RAB22A: variants seen among roughly 807,000 people sequenced by gnomAD.
RAB22A encodes the protein ras-related protein Rab-22A.
In RAB22A, 13 loss-of-function variants were observed where a neutral mutation model predicts 30.2. The observed-to-expected ratio is 0.43, with a 90% CI of 0.28 to 0.68. The LOEUF (loss-of-function observed/expected upper bound fraction) is 0.68. Ranked by LOEUF, RAB22A falls within the 30% of genes least tolerant of loss-of-function variation. The probability of loss-of-function intolerance (pLI) is 0.18; values close to 1 mark genes in which losing one functional copy is unlikely to be tolerated. For synonymous variants in RAB22A, 89 were observed against 87.2 expected (o/e 1.02, Z -0.11); for missense variants, 177 against 246.8 (o/e 0.72, Z 1.89).
chr20:58,351,143 C>T (rs1987041582), intron 3 of RAB22A, among the ~76,000 whole-genome samples: 1 of 151,992 alleles, frequency 6.6e-6, no homozygotes, highest in Non-Finnish European at 1.5e-5. Flanking sequence ...TCAAGATCAG[C>T]CTGTCCAACA....
intron 2 of RAB22A, among the ~76,000 whole-genome samples, chr20:58,321,483 C>T (rs1248123697): frequency 6.6e-6 from 1 of 152,190 alleles, no homozygotes; most frequent in Admixed American, 6.5e-5. Context: ...TCCATGTGCA[C>T]TAGTAAAGAA....
intron 2 of RAB22A, among the ~76,000 whole-genome samples, chr20:58,336,450 C>A (rs758402240): frequency 6.6e-6 from 1 of 152,132 alleles, no homozygotes; most frequent in Non-Finnish European, 1.5e-5. Flanking sequence ...CTACTTCTGT[C>A]CTGGAGGATC....
chr20:58,333,896 G>A (rs1210391503), intron 2 of RAB22A, among the ~76,000 whole-genome samples: 1 of 152,116 alleles, frequency 6.6e-6, no homozygotes, highest in Non-Finnish European at 1.5e-5. Flanking sequence ...GTCTCTACAA[G>A]AGAATGAAAA....
intron 2 of RAB22A, among the ~76,000 whole-genome samples, chr20:58,339,801 A>G (rs558182895): frequency 1.3e-4 from 20 of 152,246 alleles, no homozygotes; most frequent in African/African-American, 4.8e-4. Flanking sequence ...TAAATTGTGT[A>G]GTTAAACTAA....
At chr20:58,348,937 A>G (rs917520733) in intron 3 of RAB22A, among the ~76,000 whole-genome samples, 1 of 152,214 alleles carries the variant, frequency 6.6e-6, no homozygotes, top group African/African-American at 2.4e-5. Context: ...CTACAATAGT[A>G]GAGTTGAGTA....
chr20:58,364,379 G>A lies in RAB22A; in HGVS notation c.*4676G>A, dbSNP rs145204028. 3 of 152,150 alleles carry A rather than the reference G, an allele frequency of 2.0e-5. No individual in the cohort carries two copies. The highest frequency in any genetic ancestry group is 7.2e-5 in the African/African-American group (3 of 41,500). The allele number at this position is 152,150 out of a possible 1,614,324, so 9.4% of individuals were successfully genotyped here. A position where few individuals can be genotyped will look rare whatever the true frequency, so the allele number is the denominator to read the frequency against. On this transcript the variant is annotated 3_prime_UTR_variant, in exon 7 of 7. Transcript: ENST00000244040. ...AATATCTGTTTTCTTTCCTTTTAGA[G>A]TATAATCAATTATGGATAGGCCAGA...
At chr20:58,352,646 C>T (rs1482151761) in intron 3 of RAB22A, among the ~76,000 whole-genome samples, 3 of 152,118 alleles carry the variant, frequency 2.0e-5, no homozygotes, top group East Asian at 1.9e-4. Context: ...TGTGTGTCAC[C>T]GGTTGTGGAG....
intron 2 of RAB22A, among the ~76,000 whole-genome samples, chr20:58,314,162 C>T (rs571241736): frequency 6.6e-6 from 1 of 152,044 alleles, no homozygotes; most frequent in South Asian, 2.1e-4. Context: ...GATTCTCCTG[C>T]CTCAGCCTCC....
intron 2 of RAB22A, among the ~76,000 whole-genome samples, chr20:58,324,240 C>T (rs1363068846): frequency 6.6e-6 from 1 of 151,662 alleles, no homozygotes. Flanking sequence ...CAGTTTCTTT[C>T]ACAGTTGTAA....
intron 2 of RAB22A, among the ~76,000 whole-genome samples, chr20:58,320,102 C>T: frequency 6.6e-6 from 1 of 152,130 alleles, no homozygotes; most frequent in East Asian, 1.9e-4. Flanking sequence ...GGTGTCAGGA[C>T]CTCATCAAAT....
intron 3 of RAB22A, among the ~76,000 whole-genome samples, chr20:58,350,224 C>T (rs555343175): frequency 6.6e-6 from 1 of 152,248 alleles, no homozygotes; most frequent in Non-Finnish European, 1.5e-5. Flanking sequence ...ATGAAAAACT[C>T]ACTGGAGGGT....
At chr20:58,357,700 A>T (rs1327422379) in intron 6 of RAB22A, among the ~76,000 whole-genome samples, 1 of 152,206 alleles carries the variant, frequency 6.6e-6, no homozygotes, top group Non-Finnish European at 1.5e-5. Flanking sequence ...AAGCTTTTAA[A>T]CAGATTTGTA....
At chr20:58,310,496 T>C (rs752706563) in intron 1 of RAB22A, among the ~76,000 whole-genome samples, 8 of 152,166 alleles carry the variant, frequency 5.3e-5, no homozygotes, top group Non-Finnish European at 1.0e-4. Flanking sequence ...AAGTAACTCT[T>C]CCTGTGGAGA....
rs1265100843 is a variant in RAB22A, at chr20:58,354,177, A to G, written c.399A>G (p.Ala133=). The change falls in exon 6 of 7, where the codon GCA becomes GCG. Residue 133 remains alanine, a synonymous_variant. Coordinates refer to ENST00000244040, the MANE Select transcript of RAB22A (RefSeq NM_020673.3). Reference sequence around the variant, plus strand: ...CCAGAGAAGTCATGGAGAGAGATGCAAAGGACTACGCCGACTCTATTCATG... The same window carrying G: ...CCAGAGAAGTCATGGAGAGAGATGCGAAGGACTACGCCGACTCTATTCATG... ...IDVREVMERD[A]KDYADSIHAI... The G allele has an allele frequency of 1.9e-6, 3 of 1,613,212 alleles. No homozygotes were observed. Among genetic ancestry groups the G allele is most frequent in the East Asian group, 2.2e-5 (1 of 44,876 alleles).
chr20:58,326,288 C>T (rs760462364), intron 2 of RAB22A, among the ~76,000 whole-genome samples: 5 of 152,100 alleles, frequency 3.3e-5, no homozygotes, highest in Non-Finnish European at 7.4e-5. Flanking sequence ...TCAGAAAGTT[C>T]CCTCTGTGAA....
At position 58,309,902 on chromosome 20, in the gene RAB22A, G is replaced by T; in HGVS notation, c.-75G>T. The T allele has an allele frequency of 8.1e-7, 1 of 1,228,292 alleles. No individual in the cohort carries two copies. Among genetic ancestry groups the T allele is most frequent in the Middle Eastern group, 2.5e-4 (1 of 4,024 alleles). The allele number at this position is 1,228,292 out of a possible 1,614,324, so 76.1% of individuals were successfully genotyped here. ...CCGTGCGGCGGCAGCGGCGCCAGGGGATGCTCTTGCTGGGCCTGGCCTCTC... is the reference window on the plus strand; with the variant it reads ...CCGTGCGGCGGCAGCGGCGCCAGGGTATGCTCTTGCTGGGCCTGGCCTCTC... On this transcript the variant is annotated 5_prime_UTR_variant, in exon 1 of 7. Coordinates refer to ENST00000244040, the MANE Select transcript of RAB22A (RefSeq NM_020673.3).
intron 3 of RAB22A, among the ~76,000 whole-genome samples, chr20:58,349,900 A>G (rs1386659421): frequency 6.6e-6 from 1 of 152,216 alleles, no homozygotes; most frequent in Non-Finnish European, 1.5e-5. Flanking sequence ...CAAACCCTAA[A>G]GTGACCCTTT....
At chr20:58,351,600 A>G (rs1034065504) in intron 3 of RAB22A, among the ~76,000 whole-genome samples, 1 of 152,192 alleles carries the variant, frequency 6.6e-6, no homozygotes, top group African/African-American at 2.4e-5. Flanking sequence ...GATCACCTGA[A>G]GTCGGGATTT....
At chr20:58,329,236 G>A (rs1986622758) in intron 2 of RAB22A, among the ~76,000 whole-genome samples, 1 of 152,068 alleles carries the variant, frequency 6.6e-6, no homozygotes, top group East Asian at 1.9e-4. Flanking sequence ...TGTATTTTCA[G>A]TAGAGACGGG....
Sources: allele counts gnomAD v4.1 joint callset (sites outside exome capture counted in the v4.1 genomes callset), GRCh38; gene constraint gnomAD v4.1.1; transcripts MANE v1.5; gene names NCBI Gene and HGNC (gene_info 2026-07-23, HGNC 2026-07-21).